The following PRLR variants were observed in gnomAD, a reference collection of about 807,000 sequenced individuals.
The protein encoded by PRLR is hPRL receptor.
A neutral mutation model predicts 40.2 loss-of-function variants in PRLR; 13 were observed. The observed-to-expected ratio is 0.32, with a 90% CI of 0.21 to 0.51. The LOEUF is 0.51. Ranked by LOEUF, PRLR falls within the 20% of genes least tolerant of loss-of-function variation. The pLI is 0.97. For synonymous variants in PRLR, 269 were observed against 278.7 expected, an observed-to-expected ratio of 0.97 and a Z score of 0.35; for missense variants, 656 against 747.3, an observed-to-expected ratio of 0.88 and a Z score of 1.42.
chr5:35,170,677 A>G (rs1016137339), intron 1 of PRLR, among the ~76,000 whole-genome samples: 5 of 152,092 alleles, frequency 3.3e-5, no homozygotes, highest in Non-Finnish European at 1.5e-5. Context: ...TGCAAAATGC[A>G]CTCTAGTCTG....
chr5:35,085,324 C>A (rs1171272082), intron 4 of PRLR, among the ~76,000 whole-genome samples: 1 of 152,152 alleles, frequency 6.6e-6, no homozygotes, highest in Non-Finnish European at 1.5e-5. Context: ...TGGATTTCAG[C>A]CGGGATGACA....
chr5:35,142,995 C>T (rs1774066457), intron 1 of PRLR, among the ~76,000 whole-genome samples: 1 of 152,244 alleles, frequency 6.6e-6, no homozygotes, highest in Admixed American at 6.5e-5. Flanking sequence ...AACATAATCT[C>T]ACCCAATAAA....
chr5:35,120,792 T>G (rs1013300569), intron 1 of PRLR, among the ~76,000 whole-genome samples: 1 of 152,200 alleles, frequency 6.6e-6, no homozygotes, highest in Non-Finnish European at 1.5e-5. Flanking sequence ...GGAAAAAGCA[T>G]GTTGTTTATC....
Position 35,090,791 on chromosome 5 carries a change from CTTTTTTTTTTTTTTTTTTTTTTT to C in PRLR, c.-43-1151_-43-1129del, listed in dbSNP as rs554800498. Among the ~76,000 whole-genome samples the C allele has an allele frequency of 4.1e-4, 24 of 59,154 alleles. No homozygotes were observed. In the East Asian group the frequency reaches 7.6e-3, roughly 19 times the overall value. 38.8% of individuals were successfully genotyped at this position (59,154 alleles called of 152,430 possible). ...GGCACCCAGGTACCATCAATTAGCTCTTTTTTTTTTTTTTTTTTTTTTTTTTTTTTTTTTTTTGAGACAGAGTC... is the reference window on the plus strand; with the variant it reads ...GGCACCCAGGTACCATCAATTAGCTCTTTTTTTTTTTTTTGAGACAGAGTC... On this transcript the variant is annotated intron_variant, in intron 2 of 9. Coordinates refer to ENST00000618457, the MANE Select transcript of PRLR (RefSeq NM_000949.7).
chr5:35,227,258 T>A (rs1776576519), intron 1 of PRLR, among the ~76,000 whole-genome samples: 1 of 152,184 alleles, frequency 6.6e-6, no homozygotes, highest in African/African-American at 2.4e-5. Context: ...TTTAGAAGAA[T>A]CTTAATCCGG....
chr5:35,197,501 C>T (rs552421112), intron 1 of PRLR, among the ~76,000 whole-genome samples: 1 of 152,322 alleles, frequency 6.6e-6, no homozygotes, highest in East Asian at 1.9e-4. Flanking sequence ...TGAAGCTCAG[C>T]CAGATGTCAT....
chr5:35,107,311 G>A (rs200976008), intron 2 of PRLR, among the ~76,000 whole-genome samples: 13 of 151,984 alleles, frequency 8.6e-5, no homozygotes, highest in South Asian at 4.2e-4. Context: ...ATCACAATTA[G>A]AAGAACTAGA....
intron 1 of PRLR, among the ~76,000 whole-genome samples, chr5:35,176,685 G>T (rs983548169): frequency 1.3e-5 from 2 of 152,154 alleles, no homozygotes; most frequent in African/African-American, 4.8e-5. Context: ...ACTGCGGAAG[G>T]CCGCAGGGAC....
chr5:35,202,114 T>G (rs937248633), intron 1 of PRLR, among the ~76,000 whole-genome samples: 11 of 152,208 alleles, frequency 7.2e-5, no homozygotes, highest in African/African-American at 2.7e-4. Flanking sequence ...ATACTTCAGT[T>G]TCCTTATCTG....
chr5:35,070,593 C>T (rs1282483035), intron 6 of PRLR, among the ~76,000 whole-genome samples: 1 of 151,990 alleles, frequency 6.6e-6, no homozygotes, highest in Non-Finnish European at 1.5e-5. Flanking sequence ...CCTGTAATCC[C>T]AGCACTTTGG....
intron 5 of PRLR, among the ~76,000 whole-genome samples, chr5:35,076,926 T>C (rs548975835): frequency 6.6e-6 from 1 of 152,154 alleles, no homozygotes; most frequent in Non-Finnish European, 1.5e-5. Flanking sequence ...CAACCCAGAA[T>C]TTCATATCCA....
chr5:35,069,947 A>G (rs1193136913), intron 7 of PRLR, among the ~76,000 whole-genome samples, 177 bp downstream of exon 7: 1 of 152,252 alleles, frequency 6.6e-6, no homozygotes, highest in Non-Finnish European at 1.5e-5. Flanking sequence ...ATTGACAGTA[A>G]TCCAGGGTGC....
At chr5:35,112,243 GAAATACCT>G (rs1448844570) in intron 2 of PRLR, among the ~76,000 whole-genome samples, 1 of 152,102 alleles carries the variant, frequency 6.6e-6, no homozygotes, top group Non-Finnish European at 1.5e-5. Flanking sequence ...AGGGTTATTT[GAAATACCT>G]AAGGCTGGCC....
At chr5:35,165,596 C>T (rs976642747) in intron 1 of PRLR, among the ~76,000 whole-genome samples, 1 of 152,148 alleles carries the variant, frequency 6.6e-6, no homozygotes, top group Admixed American at 6.5e-5. Flanking sequence ...AGGTCATAAA[C>T]AAATAATGCC....
At chr5:35,100,501 T>C (rs916382816) in intron 2 of PRLR, among the ~76,000 whole-genome samples, 8 of 152,206 alleles carry the variant, frequency 5.3e-5, no homozygotes, top group Admixed American at 5.2e-4. Context: ...TATGTTTAGA[T>C]ACACAAATAC....
At chr5:35,200,215 C>A (rs72734567) in intron 1 of PRLR, among the ~76,000 whole-genome samples, 14,909 of 152,238 alleles carry the variant, frequency 0.098, 929 homozygotes, top group Non-Finnish European at 0.13. Context: ...AGTTAACACG[C>A]CTGTCCTATA....
At chr5:35,227,549 T>C (rs1242659141) in intron 1 of PRLR, among the ~76,000 whole-genome samples, 1 of 152,212 alleles carries the variant, frequency 6.6e-6, no homozygotes, top group Non-Finnish European at 1.5e-5. Context: ...GCTCAGTAAA[T>C]AGTAGGCATG....
chr5:35,151,045 C>T (rs896714807), intron 1 of PRLR, among the ~76,000 whole-genome samples: 3 of 152,102 alleles, frequency 2.0e-5, no homozygotes, highest in Non-Finnish European at 4.4e-5. Flanking sequence ...GGTTTCACCA[C>T]GAGGCAATAT....
Position 35,215,902 on chromosome 5 carries a change from T to C in PRLR, c.-106+14366A>G, listed in dbSNP as rs192876215. Among the ~76,000 whole-genome samples, 297 of 149,868 alleles carry C rather than the reference T, an allele frequency of 2.0e-3. 1 individual carries two copies. The highest frequency in any genetic ancestry group is 7.1e-3 in the African/African-American group (290 of 40,616). On this transcript the variant is annotated intron_variant, in intron 1 of 9. Coordinates refer to ENST00000618457, the MANE Select transcript of PRLR (RefSeq NM_000949.7). Reference sequence around the variant, plus strand: ...AAAAAAAAAAAAAAATTAGCTGGGCTTGGTGACGCACATCTGTTCCAGCTA... The same window carrying C: ...AAAAAAAAAAAAAAATTAGCTGGGCCTGGTGACGCACATCTGTTCCAGCTA...
Sources: allele counts gnomAD v4.1 joint callset (sites outside exome capture counted in the v4.1 genomes callset), GRCh38; gene constraint gnomAD v4.1.1; transcripts MANE v1.5; gene names NCBI Gene and HGNC (gene_info 2026-07-23, HGNC 2026-07-21).